Variants in CREB3L2 observed in about 807,000 individuals in gnomAD.
The protein encoded by CREB3L2 is cAMP responsive element binding protein 3 like 2, also known as cyclic AMP-responsive element-binding protein 3-like protein 2.
Under a neutral mutation model 57.2 loss-of-function variants are expected in CREB3L2, and 23 were observed. The observed-to-expected ratio is 0.40, with a 90% confidence interval of 0.29 to 0.57. The LOEUF (loss-of-function observed/expected upper bound fraction) is 0.57, where lower values mean the gene tolerates loss of function less well. Ranked by LOEUF, CREB3L2 falls within the 20% of genes least tolerant of loss-of-function variation. CREB3L2 has a pLI of 0.42. For synonymous variants in CREB3L2, 268 were observed against 265.1 expected, an observed-to-expected ratio of 1.01 and a Z score of -0.11; for missense variants, 628 against 634.7, an observed-to-expected ratio of 0.99 and a Z score of 0.11.
chr7:137,907,115 G>C (rs1472846327), intron 5 of CREB3L2, among the ~76,000 whole-genome samples: 1 of 152,222 alleles, frequency 6.6e-6, no homozygotes, highest in Non-Finnish European at 1.5e-5. Flanking sequence ...TTACATAAGA[G>C]AGAGGAGTGC....
chr7:137,937,918 T>C (rs1389101329), intron 1 of CREB3L2, among the ~76,000 whole-genome samples: 1 of 150,540 alleles, frequency 6.6e-6, no homozygotes, highest in African/African-American at 2.4e-5. Flanking sequence ...GTATGTGAAA[T>C]AGATTAAGCA....
intron 7 of CREB3L2, 115 bp from the exon 8 acceptor site, chr7:137,901,537 C>A: frequency 1.6e-6 from 1 of 617,446 alleles, no homozygotes; most frequent in Non-Finnish European, 2.9e-6. Context: ...ATCTGCCACC[C>A]CATGGAAGTG....
chr7:137,962,715 C>T (rs972765743), intron 1 of CREB3L2, among the ~76,000 whole-genome samples: 1 of 152,008 alleles, frequency 6.6e-6, no homozygotes, highest in African/African-American at 2.4e-5. Flanking sequence ...TAAGAAATTA[C>T]ATGTATGTTT....
At chr7:137,934,036 G>A (rs62488277) in intron 1 of CREB3L2, 5 of 152,218 alleles carry the variant, frequency 3.3e-5, no homozygotes, top group African/African-American at 9.6e-5. Context: ...CAAGGGTTAT[G>A]GGATTTTAGT....
chr7:137,979,810 T>C (rs184587603), intron 1 of CREB3L2, among the ~76,000 whole-genome samples: 99 of 152,298 alleles, frequency 6.5e-4, no homozygotes, highest in African/African-American at 2.3e-3. Flanking sequence ...TGAGACATGC[T>C]GGGACTTCTG....
At chr7:137,943,825 T>C (rs1199434618) in intron 1 of CREB3L2, among the ~76,000 whole-genome samples, 1 of 152,168 alleles carries the variant, frequency 6.6e-6, no homozygotes, top group East Asian at 1.9e-4. Flanking sequence ...ACATCCCCCT[T>C]TCCCATTATG....
At chr7:137,945,948 T>G (rs1800965168) in intron 1 of CREB3L2, among the ~76,000 whole-genome samples, 1 of 152,216 alleles carries the variant, frequency 6.6e-6, no homozygotes, top group Non-Finnish European at 1.5e-5. Flanking sequence ...TGTTCTCTCA[T>G]GACTTGAGCC....
In CREB3L2 at chr7:137,878,786, G is replaced by A. The variant is rs1799214426; in HGVS notation, c.*1690C>T. The stretch of plus-strand genomic sequence containing the variant: ...GGCCTAGACAGACAAGGCAGGGACC[G>A]ACTTATGAGGTATGACGACAAATGT... On this transcript the variant is annotated 3_prime_UTR_variant, in exon 12 of 12. Coordinates refer to ENST00000330387, the MANE Select transcript of CREB3L2 (RefSeq NM_194071.4). The A allele has an allele frequency of 8.0e-6, 2 of 250,430 alleles. No homozygotes were observed. Among genetic ancestry groups the A allele is most frequent in the East Asian group, 5.9e-5 (1 of 16,930 alleles). The allele number at this position is 250,430 out of a possible 1,614,324, so 15.5% of individuals were successfully genotyped here. A position where few individuals can be genotyped will look rare whatever the true frequency, so the allele number is the denominator to read the frequency against.
At chr7:137,953,944 T>C (rs1456058563) in intron 1 of CREB3L2, among the ~76,000 whole-genome samples, 9 of 152,180 alleles carry the variant, frequency 5.9e-5, no homozygotes, top group Admixed American at 5.9e-4. Context: ...AGCAGGGGTG[T>C]GTGAGCTGTA....
chr7:137,954,617 A>G (rs1801172050), intron 1 of CREB3L2, among the ~76,000 whole-genome samples: 1 of 152,204 alleles, frequency 6.6e-6, no homozygotes, highest in African/African-American at 2.4e-5. Flanking sequence ...TTTAAAATGA[A>G]TAACTTTGTG....
intron 1 of CREB3L2, among the ~76,000 whole-genome samples, chr7:137,942,984 A>C (rs1800902204): frequency 6.6e-6 from 1 of 152,246 alleles, no homozygotes; most frequent in Non-Finnish European, 1.5e-5. Context: ...AAGTCAGCAC[A>C]GCTTCATTAA....
At chr7:137,888,620 A>T (rs970045049) in intron 8 of CREB3L2, among the ~76,000 whole-genome samples, 1 of 152,190 alleles carries the variant, frequency 6.6e-6, no homozygotes, top group East Asian at 1.9e-4. Context: ...TCCTTGGGCA[A>T]ATTTCCAGGT....
intron 2 of CREB3L2, among the ~76,000 whole-genome samples, chr7:137,925,915 C>T (rs552655631): frequency 6.6e-6 from 1 of 152,312 alleles, no homozygotes; most frequent in Non-Finnish European, 1.5e-5. Context: ...ATATCTGACC[C>T]ACTGTACCTG....
At chr7:137,965,493 G>A (rs185643366) in intron 1 of CREB3L2, among the ~76,000 whole-genome samples, 13 of 152,256 alleles carry the variant, frequency 8.5e-5, no homozygotes, top group Admixed American at 2.0e-4. Context: ...TCAGAATATT[G>A]TTAATATTAA....
chr7:137,915,571 G>GT (rs1284487984), intron 3 of CREB3L2, among the ~76,000 whole-genome samples: 6 of 151,996 alleles, frequency 3.9e-5, no homozygotes, highest in African/African-American at 1.2e-4. Context: ...TATTTTCTGT[G>GT]TTTTTTATTT....
intron 6 of CREB3L2, 118 bp downstream of exon 6, chr7:137,905,583 TG>T: frequency 9.2e-7 from 1 of 1,083,100 alleles, no homozygotes; most frequent in Non-Finnish European, 1.4e-6. Context: ...AGGGAAGGGC[TG>T]GGCCTTGGTC....
chr7:137,956,731 G>A, intron 1 of CREB3L2: 1 of 967,194 alleles, frequency 1.0e-6, no homozygotes, highest in Non-Finnish European at 1.4e-6. Flanking sequence ...TGAATTCTTT[G>A]AGTTGGGCAA....
At chr7:137,960,809 C>CTTTTTTTTTT (rs66493086) in intron 1 of CREB3L2, among the ~76,000 whole-genome samples, 39 of 95,574 alleles carry the variant, frequency 4.1e-4, no homozygotes, top group African/African-American at 6.0e-4. Flanking sequence ...TAAATTATTT[C>CTTTTTTTTTT]TTTTTTTTTT....
At chr7:137,991,851 T>C (rs1026348756) in intron 1 of CREB3L2, among the ~76,000 whole-genome samples, 1 of 150,564 alleles carries the variant, frequency 6.6e-6, no homozygotes, top group South Asian at 2.1e-4. Flanking sequence ...GAGGTTGCAG[T>C]GAGCCAAGAT....
Sources: gnomAD v4.1 joint callset for allele counts (sites outside exome capture counted in the v4.1 genomes callset) on GRCh38, gnomAD v4.1.1 for gene constraint, MANE v1.5 for transcripts, NCBI Gene and HGNC (gene_info 2026-07-23, HGNC 2026-07-21) for gene names.